Variants in FAAH2 observed in about 807,000 individuals in gnomAD.
FAAH2 encodes the protein fatty-acid amide hydrolase 2.
A neutral mutation model predicts 36.9 loss-of-function variants in FAAH2; 60 were observed. The observed-to-expected ratio is 1.63, with a 90% CI of 1.32 to 2.02. The LOEUF is 2.02. Among genes scored for constraint, FAAH2 ranks in the 30% most tolerant of loss-of-function variants. The pLI, the probability that FAAH2 is intolerant of heterozygous loss-of-function variation, is 0.00. For synonymous variants in FAAH2, 214 were observed against 143.8 expected (o/e 1.49, Z -3.49); for missense variants, 689 against 397.5 (o/e 1.73, Z -6.23).
the FAAH2 span, among the ~76,000 whole-genome samples, chrX:57,214,832 A>T: frequency 2.7e-5 from 3 of 111,468 alleles, 1 homozygote; most frequent in African/African-American, 9.8e-5. Context: ...CCAGCATAAG[A>T]TCCAAATTCC....
chrX:57,166,722 G>C, the FAAH2 span, among the ~76,000 whole-genome samples: 2 of 112,006 alleles, frequency 1.8e-5, no homozygotes, highest in South Asian at 7.5e-4. Context: ...AGAAAGGGGA[G>C]AGGTCGCCCC....
intron 5 of FAAH2, among the ~76,000 whole-genome samples, chrX:57,364,009 G>GTT (rs59787885): frequency 2.5e-3 from 114 of 46,425 alleles, no homozygotes; most frequent in African/African-American, 8.6e-3. Flanking sequence ...GGCCTGTAGG[G>GTT]TTTTTTTTTT....
intron 7 of FAAH2, among the ~76,000 whole-genome samples, chrX:57,399,548 T>C (rs779685598): frequency 8.9e-6 from 1 of 111,791 alleles, no homozygotes; most frequent in African/African-American, 3.2e-5. Context: ...AAGCATTTCT[T>C]ATGGAGGGTC....
chrX:57,333,687 A>C (rs778013269), intron 4 of FAAH2, among the ~76,000 whole-genome samples: 1 of 111,605 alleles, frequency 9.0e-6, no homozygotes, highest in Non-Finnish European at 1.9e-5. Flanking sequence ...GGTGATGTGG[A>C]AGATCTGTCA....
intron 7 of FAAH2, among the ~76,000 whole-genome samples, chrX:57,408,196 A>C (rs776306109): frequency 9.0e-6 from 1 of 111,135 alleles, no homozygotes; most frequent in Admixed American, 9.6e-5. Flanking sequence ...TATGTAAGAA[A>C]ATTTCATTTG....
the FAAH2 span, chrX:57,121,793 T>A: frequency 8.9e-6 from 1 of 112,700 alleles, no homozygotes; most frequent in Non-Finnish European, 1.9e-5. Context: ...CTTCTTAGTC[T>A]GCCTGCCCTG....
the FAAH2 span, among the ~76,000 whole-genome samples, chrX:57,267,096 GC>G: frequency 8.9e-6 from 1 of 112,177 alleles, no homozygotes; most frequent in Non-Finnish European, 1.9e-5. Context: ...AGTGGACCAT[GC>G]CTGTCCCATG....
At chrX:57,438,849 G>A (rs2056477630) in intron 8 of FAAH2, among the ~76,000 whole-genome samples, 1 of 105,147 alleles carries the variant, frequency 9.5e-6, no homozygotes, top group South Asian at 4.4e-4. Flanking sequence ...AGAACATGCG[G>A]TGTTTGGTTT....
chrX:57,277,710 G>A, the FAAH2 span, among the ~76,000 whole-genome samples: 5 of 112,006 alleles, frequency 4.5e-5, no homozygotes, highest in Non-Finnish European at 7.5e-5. Flanking sequence ...AAGCTGATAA[G>A]CAACTTCAGC....
chrX:57,263,326 T>G, the FAAH2 span, among the ~76,000 whole-genome samples: 1 of 111,766 alleles, frequency 8.9e-6, no homozygotes, highest in Non-Finnish European at 1.9e-5. Flanking sequence ...ACATTGAAAT[T>G]AAAAGTACAA....
intron 10 of FAAH2, among the ~76,000 whole-genome samples, chrX:57,462,126 A>G (rs1477621190): frequency 9.6e-6 from 1 of 103,695 alleles, no homozygotes; most frequent in Non-Finnish European, 2.0e-5. Context: ...GAATAGACCA[A>G]TAACAAGTTC....
At chrX:57,395,380 C>T in intron 7 of FAAH2, 1 of 718,721 alleles carries the variant, frequency 1.4e-6, no homozygotes, top group Non-Finnish European at 2.2e-6. Flanking sequence ...CGGAGATCTC[C>T]TTCCTGTTCA....
At chrX:57,346,269 C>T (rs756093269) in intron 5 of FAAH2, among the ~76,000 whole-genome samples, 165 of 111,143 alleles carry the variant, frequency 1.5e-3, no homozygotes, top group South Asian at 3.0e-3. Context: ...TTTCTTAGGT[C>T]AAAAAGAACT....
chrX:57,468,427 G>A (rs1241758965), intron 10 of FAAH2, among the ~76,000 whole-genome samples: 2 of 111,977 alleles, frequency 1.8e-5, no homozygotes, highest in African/African-American at 6.5e-5. Context: ...TGAAAACCAT[G>A]GCATGAGAAT....
the FAAH2 span, chrX:57,127,021 C>A: frequency 9.0e-6 from 1 of 111,172 alleles, no homozygotes; most frequent in Non-Finnish European, 1.9e-5. Flanking sequence ...GCTGATCATA[C>A]CATCCCTGGA....
At chrX:57,351,788 C>A (rs1349499915) in intron 5 of FAAH2, among the ~76,000 whole-genome samples, 1 of 106,474 alleles carries the variant, frequency 9.4e-6, no homozygotes, top group African/African-American at 3.4e-5. Flanking sequence ...AATAGAAAAT[C>A]TGAGCAGACA....
At chrX:57,140,435 A>AAAAT in the FAAH2 span, among the ~76,000 whole-genome samples, 1 of 105,773 alleles carries the variant, frequency 9.5e-6, no homozygotes, top group South Asian at 4.2e-4. Context: ...AAAAAAAAAA[A>AAAAT]AATAGAAAAA....
chrX:57,472,068 C>G (rs1403545955), intron 10 of FAAH2, among the ~76,000 whole-genome samples: 1 of 112,033 alleles, frequency 8.9e-6, no homozygotes, highest in African/African-American at 3.2e-5. Context: ...GGATCCCTTC[C>G]TTACACCTTA....
intron 7 of FAAH2, among the ~76,000 whole-genome samples, chrX:57,425,527 A>C (rs1163440801): frequency 8.9e-6 from 1 of 111,988 alleles, no homozygotes; most frequent in Non-Finnish European, 1.9e-5. Flanking sequence ...TCTCAACAGA[A>C]ACTTTATAAG....
Sources: gnomAD v4.1 joint callset for allele counts (sites outside exome capture counted in the v4.1 genomes callset) on GRCh38, gnomAD v4.1.1 for gene constraint, MANE v1.5 for transcripts, NCBI Gene and HGNC (gene_info 2026-07-23, HGNC 2026-07-21) for gene names.